Variants in MAD1L1 observed in about 807,000 individuals in gnomAD.
MAD1L1 encodes the protein mitotic spindle assembly checkpoint protein MAD1.
A neutral mutation model predicts 96.9 loss-of-function variants in MAD1L1; 95 were observed. The observed-to-expected ratio is 0.98, with a 90% CI of 0.83 to 1.16. The LOEUF (loss-of-function observed/expected upper bound fraction) is 1.16. MAD1L1 is among the 50% of genes most tolerant of loss of function. MAD1L1 has a pLI of 0.00. For synonymous variants in MAD1L1, 473 were observed against 396.6 expected (o/e 1.19, Z -2.29); for missense variants, 1,007 against 954.4 (o/e 1.06, Z -0.73).
At chr7:2,130,235 G>A (rs1420337123) in intron 11 of MAD1L1, among the ~76,000 whole-genome samples, 3 of 152,250 alleles carry the variant, frequency 2.0e-5, no homozygotes, top group African/African-American at 7.2e-5. Context: ...TGTGCCAGCA[G>A]CATTCAGGTG....
intron 18 of MAD1L1, among the ~76,000 whole-genome samples, chr7:1,825,947 A>G (rs6955652): frequency 0.42 from 63,465 of 151,774 alleles, 13,402 homozygotes; most frequent in Non-Finnish European, 0.45. Context: ...GTTGGAGGCC[A>G]GCACGGTCCC....
At chr7:1,998,336 C>T (rs1022751999) in intron 14 of MAD1L1, among the ~76,000 whole-genome samples, 6 of 152,218 alleles carry the variant, frequency 3.9e-5, no homozygotes, top group African/African-American at 7.2e-5. Flanking sequence ...AGCTCCGAGG[C>T]GTCCGTGCCT....
intron 10 of MAD1L1, among the ~76,000 whole-genome samples, chr7:2,158,702 A>T (rs1789959320): frequency 6.6e-6 from 1 of 152,238 alleles, no homozygotes. Flanking sequence ...GGCTGATGCA[A>T]CACAATTGTG....
At chr7:1,867,452 G>A (rs572091631) in intron 18 of MAD1L1, among the ~76,000 whole-genome samples, 70 of 152,350 alleles carry the variant, frequency 4.6e-4, no homozygotes, top group African/African-American at 1.7e-3. Context: ...TCTGGGGGCC[G>A]CAGGAATTGG....
intron 14 of MAD1L1, among the ~76,000 whole-genome samples, chr7:1,999,022 A>T (rs1781678875): frequency 1.3e-5 from 2 of 150,990 alleles, no homozygotes; most frequent in Admixed American, 1.3e-4. Context: ...CCCTAACCCC[A>T]CACACTGCTG....
At chr7:2,155,899 A>C (rs1050886891) in intron 10 of MAD1L1, among the ~76,000 whole-genome samples, 9 of 152,128 alleles carry the variant, frequency 5.9e-5, no homozygotes, top group African/African-American at 9.7e-5. Context: ...GGCTGCACCA[A>C]CTTACTTTCT....
chr7:2,229,944 C>G (rs1794108756), intron 3 of MAD1L1, 40 bp downstream of exon 3: 1 of 1,598,206 alleles, frequency 6.3e-7, no homozygotes, highest in East Asian at 2.2e-5. Context: ...GGCCCAGGGT[C>G]TCCCCAGAGC....
At chr7:2,053,222 G>A (rs117845816) in intron 12 of MAD1L1, among the ~76,000 whole-genome samples, 1,937 of 152,340 alleles carry the variant, frequency 0.013, 18 homozygotes, top group South Asian at 0.027. Flanking sequence ...CCTGGTAGCA[G>A]GCCCTTCCTG....
At chr7:2,101,321 A>G (rs1054695580) in intron 11 of MAD1L1, among the ~76,000 whole-genome samples, 2 of 143,994 alleles carry the variant, frequency 1.4e-5, no homozygotes, top group African/African-American at 5.2e-5. Flanking sequence ...GTGGCATGAG[A>G]CTGGGGCTCC....
At chr7:1,830,488 T>A (rs1782650452) in intron 18 of MAD1L1, among the ~76,000 whole-genome samples, 1 of 152,248 alleles carries the variant, frequency 6.6e-6, no homozygotes, top group South Asian at 2.1e-4. Flanking sequence ...GGGTGGGAGC[T>A]GCATGGGCAG....
intron 11 of MAD1L1, among the ~76,000 whole-genome samples, chr7:2,078,964 C>T (rs924469480): frequency 1.1e-4 from 17 of 152,212 alleles, no homozygotes; most frequent in Non-Finnish European, 1.9e-4. Flanking sequence ...GGGGAGATGC[C>T]CCAGTCGGGC....
rs1405875801 is a variant in MAD1L1, at chr7:2,050,168, G to A, written c.1218+19026C>T. 2.1e-3 allele frequency among the ~76,000 whole-genome samples: 191 copies of A among 91,532 alleles called. 5 individuals are homozygous for A. Among genetic ancestry groups the A allele is most frequent in the African/African-American group, 6.3e-3 (156 of 24,750 alleles). 60.0% of individuals were successfully genotyped at this position (91,532 alleles called of 152,430 possible). A position where few individuals can be genotyped will look rare whatever the true frequency, so the allele number is the denominator to read the frequency against. ...TGCGGGCACCAGACCACACGTTCAC[G>A]GGGCACCTCACCCAGCGTCTGCGGG... On this transcript the variant is annotated intron_variant, in intron 12 of 18. Transcript: ENST00000265854.
intron 12 of MAD1L1, among the ~76,000 whole-genome samples, chr7:2,032,142 C>A (rs964344340): frequency 2.6e-5 from 4 of 152,224 alleles, no homozygotes; most frequent in Admixed American, 2.0e-4. Flanking sequence ...CTCATTCATG[C>A]GGGACGCCCG....
chr7:2,195,641 A>G (rs1791949307), intron 10 of MAD1L1, among the ~76,000 whole-genome samples: 1 of 152,212 alleles, frequency 6.6e-6, no homozygotes, highest in Non-Finnish European at 1.5e-5. Flanking sequence ...TTAATTGCTA[A>G]TCTTCTAACT....
At chr7:1,858,903 G>T (rs961576041) in intron 18 of MAD1L1, among the ~76,000 whole-genome samples, 4 of 152,200 alleles carry the variant, frequency 2.6e-5, no homozygotes, top group Admixed American at 2.6e-4. Flanking sequence ...GTCAGGGCAG[G>T]GGGCCCAGGT....
Position 2,035,305 on chromosome 7 carries a change from T to C in MAD1L1, c.1219-20663A>G, listed in dbSNP as rs1046684481. Among the ~76,000 whole-genome samples, 8 of 143,584 alleles carry C rather than the reference T, an allele frequency of 5.6e-5. No individual in the cohort carries two copies. In the East Asian group the frequency reaches 1.6e-3, roughly 29 times the overall value. 94.2% of individuals were successfully genotyped at this position (143,584 alleles called of 152,430 possible). ...GAGCTGGGGTCCAGGCTCCCAGGCATGAGCGCAGGAGCACTGACAAGTCGG... is the reference window on the plus strand; with the variant it reads ...GAGCTGGGGTCCAGGCTCCCAGGCACGAGCGCAGGAGCACTGACAAGTCGG... On this transcript the variant is annotated intron_variant, in intron 12 of 18. Transcript: ENST00000265854.
At chr7:1,855,915 G>A (rs1429837619) in intron 18 of MAD1L1, among the ~76,000 whole-genome samples, 1 of 152,182 alleles carries the variant, frequency 6.6e-6, no homozygotes, top group East Asian at 1.9e-4. Context: ...TGGCTTATGA[G>A]CAGCAGACAT....
intron 14 of MAD1L1, chr7:1,980,768 C>A: frequency 1.5e-6 from 1 of 646,460 alleles, no homozygotes; most frequent in Non-Finnish European, 2.9e-6. Context: ...TCCTGAATAG[C>A]AACAGATGCA....
chr7:1,984,608 A>G, intron 14 of MAD1L1, among the ~76,000 whole-genome samples: 1 of 152,168 alleles, frequency 6.6e-6, no homozygotes, highest in South Asian at 2.1e-4. Context: ...AAAAGCGCCC[A>G]CCTTTGTTTC....
Sources: gnomAD v4.1 joint callset for allele counts (sites outside exome capture counted in the v4.1 genomes callset) on GRCh38, gnomAD v4.1.1 for gene constraint, MANE v1.5 for transcripts, NCBI Gene and HGNC (gene_info 2026-07-23, HGNC 2026-07-21) for gene names.